The following ADAMTS12 variants were observed in gnomAD, a reference collection of about 807,000 sequenced individuals.
ADAMTS12 encodes A disintegrin and metalloproteinase with thrombospondin motifs 12.
A neutral mutation model predicts 167.8 loss-of-function variants in ADAMTS12; 118 were observed. That is an observed-to-expected ratio of 0.70 (90% CI 0.61 to 0.82). ADAMTS12 has a LOEUF of 0.82. ADAMTS12 is among the 40% of genes least tolerant of loss of function. The probability of loss-of-function intolerance (pLI) is 0.00; values close to 1 mark genes in which losing one functional copy is unlikely to be tolerated. For synonymous variants in ADAMTS12, 704 were observed against 716.9 expected (o/e 0.98, Z 0.29); for missense variants, 1,916 against 1,998.8 (o/e 0.96, Z 0.79).
chr5:33,708,973 A>AAAAAC (rs1374727068), intron 3 of ADAMTS12, among the ~76,000 whole-genome samples: 4 of 152,038 alleles, frequency 2.6e-5, no homozygotes, highest in African/African-American at 9.7e-5. Context: ...AAAACAAATA[A>AAAAAC]AAAACAAAAC....
chr5:33,543,028 G>A (rs1028890665), intron 22 of ADAMTS12, among the ~76,000 whole-genome samples: 2 of 152,162 alleles, frequency 1.3e-5, no homozygotes, highest in African/African-American at 2.4e-5. Flanking sequence ...CAGAACTGAA[G>A]GAGATAGAGA....
intron 4 of ADAMTS12, 82 bp downstream of exon 4, chr5:33,683,777 A>T: frequency 9.1e-7 from 1 of 1,098,298 alleles, no homozygotes; most frequent in Non-Finnish European, 1.2e-6. Flanking sequence ...GACCCCAAAA[A>T]GGCCTTTCTT....
At chr5:33,698,368 C>T (rs1404329081) in intron 3 of ADAMTS12, among the ~76,000 whole-genome samples, 1 of 152,136 alleles carries the variant, frequency 6.6e-6, no homozygotes, top group African/African-American at 2.4e-5. Context: ...ACAAAGTTTC[C>T]ATACAGTGGA....
chr5:33,661,223 T>C (rs965782569), intron 6 of ADAMTS12, among the ~76,000 whole-genome samples: 12 of 152,208 alleles, frequency 7.9e-5, no homozygotes, highest in African/African-American at 2.4e-4. Flanking sequence ...GTGCCTAGTA[T>C]ATAGTAGGTG....
chr5:33,568,924 G>C (rs1196232577), intron 19 of ADAMTS12, among the ~76,000 whole-genome samples: 1 of 152,272 alleles, frequency 6.6e-6, no homozygotes, highest in Non-Finnish European at 1.5e-5. Flanking sequence ...CTTAGGAAAT[G>C]GCACACCAGG....
At chr5:33,569,807 GA>G (rs1393463500) in intron 19 of ADAMTS12, among the ~76,000 whole-genome samples, 1 of 152,174 alleles carries the variant, frequency 6.6e-6, no homozygotes, top group Non-Finnish European at 1.5e-5. Context: ...TGAGCTACAG[GA>G]GGAAATTCAA....
intron 2 of ADAMTS12, among the ~76,000 whole-genome samples, chr5:33,851,450 T>C (rs569312646): frequency 5.9e-5 from 9 of 152,204 alleles, no homozygotes; most frequent in Admixed American, 4.6e-4. Context: ...AGGAGTCTAT[T>C]TGTCAAATTT....
intron 4 of ADAMTS12, among the ~76,000 whole-genome samples, chr5:33,683,626 A>C (rs544296635): frequency 5.3e-5 from 8 of 152,304 alleles, no homozygotes; most frequent in African/African-American, 1.9e-4. Flanking sequence ...TACCTACCAG[A>C]AGTATGTAAC....
intron 2 of ADAMTS12, among the ~76,000 whole-genome samples, chr5:33,879,119 C>T (rs1248581427): frequency 6.6e-6 from 1 of 152,124 alleles, no homozygotes; most frequent in Non-Finnish European, 1.5e-5. Flanking sequence ...ACTCTGAACA[C>T]ATTTAAAGCC....
intron 18 of ADAMTS12, among the ~76,000 whole-genome samples, chr5:33,585,572 C>T (rs1272025368): frequency 6.6e-6 from 1 of 152,192 alleles, no homozygotes; most frequent in East Asian, 1.9e-4. Context: ...AGACTGGCTG[C>T]CTCTCACAAG....
chr5:33,656,155 ATAGT>A (rs943698239), intron 7 of ADAMTS12, among the ~76,000 whole-genome samples: 38 of 152,332 alleles, frequency 2.5e-4, no homozygotes, highest in African/African-American at 8.4e-4. Context: ...AATGCATCAG[ATAGT>A]TCTGAACGAG....
chr5:33,618,321 G>A (rs985182660), intron 14 of ADAMTS12, among the ~76,000 whole-genome samples: 1 of 152,198 alleles, frequency 6.6e-6, no homozygotes, highest in African/African-American at 2.4e-5. Flanking sequence ...AGAGGTGGAG[G>A]AAGTGGAGAT....
At chr5:33,728,242 C>G (rs1579880523) in intron 3 of ADAMTS12, among the ~76,000 whole-genome samples, 1 of 152,124 alleles carries the variant, frequency 6.6e-6, no homozygotes, top group East Asian at 1.9e-4. Flanking sequence ...GGGATGTTCA[C>G]TGAAATGAGA....
rs890884925 is a variant in ADAMTS12, at chr5:33,622,153, G to T, written c.2143+2078C>A. ...GGCAGGAAGGGGTAGGGGTAACAGG[G>T]GAGCAGAAGACATTTATAATCCCTC... On this transcript the variant is annotated intron_variant, in intron 14 of 23. Transcript: ENST00000504830. Among the ~76,000 whole-genome samples the T allele has an allele frequency of 4.6e-5, 7 of 152,280 alleles. No homozygotes were observed. In the East Asian group the frequency reaches 1.4e-3, roughly 29 times the overall value.
At chr5:33,625,771 G>T (rs1200283181) in intron 13 of ADAMTS12, among the ~76,000 whole-genome samples, 2 of 152,150 alleles carry the variant, frequency 1.3e-5, no homozygotes, top group African/African-American at 4.8e-5. Context: ...ATGGGTTCTT[G>T]CAGAGACTCA....
At chr5:33,741,393 C>T (rs1215680588) in intron 3 of ADAMTS12, among the ~76,000 whole-genome samples, 1 of 152,168 alleles carries the variant, frequency 6.6e-6, no homozygotes, top group Non-Finnish European at 1.5e-5. Context: ...GACATGCTTG[C>T]GTCCAGATTT....
chr5:33,666,672 T>C (rs1741482555), intron 5 of ADAMTS12, among the ~76,000 whole-genome samples: 1 of 152,082 alleles, frequency 6.6e-6, no homozygotes, highest in South Asian at 2.1e-4. Flanking sequence ...TTTGTATACT[T>C]AGTAGACACA....
At chr5:33,866,103 C>T (rs1201975667) in intron 2 of ADAMTS12, among the ~76,000 whole-genome samples, 1 of 151,958 alleles carries the variant, frequency 6.6e-6, no homozygotes, top group African/African-American at 2.4e-5. Context: ...AATTAGAAAA[C>T]AATCTGAAAA....
intron 2 of ADAMTS12, among the ~76,000 whole-genome samples, chr5:33,859,730 AG>A (rs1021208917): frequency 8.5e-5 from 13 of 152,308 alleles, no homozygotes; most frequent in Non-Finnish European, 1.6e-4. Context: ...ACCTCCCAGC[AG>A]GGGTCGACAG....
Sources: gnomAD v4.1 joint callset for allele counts (sites outside exome capture counted in the v4.1 genomes callset) on GRCh38, gnomAD v4.1.1 for gene constraint, MANE v1.5 for transcripts, NCBI Gene and HGNC (gene_info 2026-07-23, HGNC 2026-07-21) for gene names.